Variants in KCNQ4 observed in about 807,000 individuals in gnomAD.
KCNQ4 encodes potassium voltage-gated channel subfamily KQT member 4.
In KCNQ4, 31 loss-of-function variants were observed where a neutral mutation model predicts 72.6. The observed-to-expected ratio is 0.43, with a 90% CI of 0.32 to 0.58. The LOEUF is 0.58. KCNQ4 is among the 20% of genes least tolerant of loss of function. KCNQ4 has a pLI of 0.08. For missense variants in KCNQ4, 869 were observed against 962.6 expected (o/e 0.90, Z 1.29); for synonymous variants, 405 against 403.7 (o/e 1.00, Z -0.04).
intron 9 of KCNQ4, 112 bp downstream of exon 9, chr1:40,824,370 T>A: frequency 1.7e-6 from 2 of 1,191,960 alleles, no homozygotes; most frequent in East Asian, 2.6e-5. Flanking sequence ...TGTCTGGGCC[T>A]GTTTGGGGGA....
chr1:40,822,544 T>G, intron 8 of KCNQ4, 142 bp downstream of exon 8: 3 of 673,352 alleles, frequency 4.5e-6, no homozygotes, highest in Non-Finnish European at 7.9e-6. Flanking sequence ...GCAGATCCTA[T>G]GTAATTCAGA....
chr1:40,800,196 A>C (rs1647533870), intron 1 of KCNQ4, among the ~76,000 whole-genome samples: 1 of 152,102 alleles, frequency 6.6e-6, no homozygotes, highest in Admixed American at 6.5e-5. Flanking sequence ...CCGGAAGAGC[A>C]GGCTGAGGCA....
rs372220591 is a variant in KCNQ4 at position 40,787,979 on chromosome 1, A to T, written c.314+3572A>T. Among the ~76,000 whole-genome samples the T allele has an allele frequency of 9.2e-4, 140 of 152,114 alleles. 4 individuals carry two copies. In the South Asian group the frequency reaches 0.021, roughly 22 times the overall value. On this transcript the variant is annotated intron_variant, in intron 1 of 13. Transcript: ENST00000347132. Reference sequence around the variant, plus strand: ...CCCCAGGGCCCAGCAGACTTTCTCTATGTGAAGGTTTGCGGCTCTGTAAAC... The same window carrying T: ...CCCCAGGGCCCAGCAGACTTTCTCTTTGTGAAGGTTTGCGGCTCTGTAAAC...
Position 40,822,167 on chromosome 1 carries a change from C to T in KCNQ4, c.1042-147C>T, listed in dbSNP as rs1021653466. The T allele has an allele frequency of 4.3e-6, 3 of 695,788 alleles. No homozygotes were observed. The African/African-American group carries it at 5.3e-5, about 12-fold the overall frequency. 43.1% of individuals were successfully genotyped at this position (695,788 alleles called of 1,614,324 possible). On this transcript the variant is annotated intron_variant, in intron 7 of 13. Coordinates refer to ENST00000347132, the MANE Select transcript of KCNQ4 (RefSeq NM_004700.4). ...CCTAGGCCTTACTTTCTTGGCTGCC[C>T]CTGTCAGTGGCTGTGGAATTGGAAC...
At chr1:40,804,222 A>G (rs1437535335) in intron 1 of KCNQ4, among the ~76,000 whole-genome samples, 1 of 152,232 alleles carries the variant, frequency 6.6e-6, no homozygotes, top group Non-Finnish European at 1.5e-5. Context: ...GGGCAGGGGC[A>G]GGTCCCATCT....
At chr1:40,789,050 C>T (rs758952798) in intron 1 of KCNQ4, among the ~76,000 whole-genome samples, 5 of 152,236 alleles carry the variant, frequency 3.3e-5, no homozygotes, top group African/African-American at 4.8e-5. Context: ...TGCTCCTGTC[C>T]TTGAGTTTTT....
intron 4 of KCNQ4, 144 bp downstream of exon 4, chr1:40,818,824 GGC>G: frequency 1.1e-6 from 1 of 930,356 alleles, no homozygotes; most frequent in African/African-American, 1.6e-5. Flanking sequence ...CCTAGCAGGA[GGC>G]GAGGTCTAAG....
At chr1:40,819,529 C>T (rs1269741520) in intron 5 of KCNQ4, 57 bp downstream of exon 5, 1 of 1,606,418 alleles carries the variant, frequency 6.2e-7, no homozygotes, top group Non-Finnish European at 8.5e-7. Flanking sequence ...CTGGGAACTT[C>T]CCGAGGTCTG....
chr1:40,836,133 A>G (rs900584942), intron 12 of KCNQ4, among the ~76,000 whole-genome samples: 8 of 152,200 alleles, frequency 5.3e-5, no homozygotes, highest in Admixed American at 1.3e-4. Context: ...AGGTAGACCA[A>G]TGAGAACCTG....
chr1:40,814,517 A>C (rs1378673001), intron 1 of KCNQ4, among the ~76,000 whole-genome samples: 1 of 152,070 alleles, frequency 6.6e-6, no homozygotes, highest in Non-Finnish European at 1.5e-5. Flanking sequence ...CAGCCTGGGC[A>C]ACATAGTTCA....
intron 13 of KCNQ4, 117 bp downstream of exon 13, chr1:40,837,911 G>A: frequency 7.2e-7 from 1 of 1,396,690 alleles, no homozygotes; most frequent in Admixed American, 2.0e-5. Flanking sequence ...GAAGACCTAA[G>A]AGCCCCCTCC....
chr1:40,796,968 C>T (rs887771961), intron 1 of KCNQ4, among the ~76,000 whole-genome samples: 2 of 151,566 alleles, frequency 1.3e-5, no homozygotes, highest in Non-Finnish European at 2.9e-5. Flanking sequence ...CAAGGTCCTG[C>T]TCCCACCCCG....
rs1305757190 is a variant in KCNQ4, at chr1:40,783,794, G to A, written c.-300G>A. ...GGCGGGGCGGGGGAGGGTGACATGT[G>A]AGCGGCGCGCGCCGGTGGCAGGTGG... On this transcript the variant is annotated 5_prime_UTR_variant, in exon 1 of 14. An upstream open reading frame in the 5' UTR loses its in-frame stop. Coordinates refer to ENST00000347132, the MANE Select transcript of KCNQ4 (RefSeq NM_004700.4). The surrounding 1 kb of genome is among the most constrained non-coding windows in gnomAD (Gnocchi z 4.4). The A allele has an allele frequency of 6.6e-6, 1 of 152,022 alleles. No individual in the cohort carries two copies. The highest frequency in any genetic ancestry group is 1.5e-5 in the Non-Finnish European group (1 of 68,004). The allele number at this position is 152,022 out of a possible 1,614,324, so 9.4% of individuals were successfully genotyped here.
At chr1:40,832,284 T>C (rs1648673852) in intron 10 of KCNQ4, among the ~76,000 whole-genome samples, 1 of 152,216 alleles carries the variant, frequency 6.6e-6, no homozygotes, top group African/African-American at 2.4e-5. Flanking sequence ...CCAGCCATGC[T>C]GTTTCTGCCT....
intron 9 of KCNQ4, among the ~76,000 whole-genome samples, chr1:40,828,615 T>C (rs2148327820): frequency 6.6e-6 from 1 of 152,264 alleles, no homozygotes; most frequent in Middle Eastern, 3.4e-3. Context: ...CTCACCTCTT[T>C]CCGTGTATAT....
rs1418513186 is a variant in KCNQ4 at position 40,783,974 on chromosome 1, C to G, written c.-120C>G. The G allele has an allele frequency of 6.8e-6, 1 of 147,522 alleles. No homozygotes were observed. The highest frequency in any genetic ancestry group is 1.5e-5 in the Non-Finnish European group (1 of 66,038). 9.1% of individuals were successfully genotyped at this position (147,522 alleles called of 1,614,324 possible). A position where few individuals can be genotyped will look rare whatever the true frequency, so the allele number is the denominator to read the frequency against. On this transcript the variant is annotated 5_prime_UTR_variant, in exon 1 of 14. Transcript: ENST00000347132. This position sits in a 1 kb window ranked among gnomAD's most constrained non-coding sequence, Gnocchi z 4.4. ...GGCCCGGCCCCTAGCCCCCGCCGCCCGCGCCCGCCCCGGGTCGCCCCTCTG... is the reference window on the plus strand; with the variant it reads ...GGCCCGGCCCCTAGCCCCCGCCGCCGGCGCCCGCCCCGGGTCGCCCCTCTG...
chr1:40,831,060 C>G, intron 9 of KCNQ4, 24 bp from the exon 10 acceptor site: 4 of 1,556,838 alleles, frequency 2.6e-6, no homozygotes, highest in Non-Finnish European at 3.5e-6. Flanking sequence ...ACTTGGCTCT[C>G]TCCCAACCTG....
chr1:40,815,567 G>A (rs946208911), intron 1 of KCNQ4, among the ~76,000 whole-genome samples: 5 of 152,086 alleles, frequency 3.3e-5, no homozygotes, highest in Middle Eastern at 3.2e-3. Flanking sequence ...CTGTTCTCCC[G>A]TACCCCGTGT....
At chr1:40,807,944 C>T (rs747770163) in intron 1 of KCNQ4, among the ~76,000 whole-genome samples, 1 of 145,490 alleles carries the variant, frequency 6.9e-6, no homozygotes, top group African/African-American at 2.6e-5. Flanking sequence ...ATAGCAAGAC[C>T]TTGTCTCTAC....
Sources: gnomAD v4.1 joint callset for allele counts (sites outside exome capture counted in the v4.1 genomes callset) on GRCh38, gnomAD v4.1.1 for gene constraint, Gnocchi (gnomAD v3.1) non-coding constraint, MANE v1.5 for transcripts, NCBI Gene and HGNC (gene_info 2026-07-23, HGNC 2026-07-21) for gene names.